The following NTRK3 variants were observed in gnomAD, a reference collection of about 807,000 sequenced individuals.
NTRK3 encodes neurotrophic receptor tyrosine kinase 3.
Under a neutral mutation model 91.7 loss-of-function variants are expected in NTRK3, and 24 were observed. That is an observed-to-expected ratio of 0.26 (90% CI 0.19 to 0.37). The LOEUF (loss-of-function observed/expected upper bound fraction) is 0.37, where lower values mean the gene tolerates loss of function less well. Ranked by LOEUF, NTRK3 falls within the 10% of genes least tolerant of loss-of-function variation. NTRK3 has a pLI of 1.00. For missense variants in NTRK3, 880 were observed against 1,068.9 expected (o/e 0.82, Z 2.46); for synonymous variants, 483 against 404.0 (o/e 1.20, Z -2.34).
At position 88,237,745 on chromosome 15, in the gene NTRK3, G is replaced by A. The variant is rs541783221; in HGVS notation, c.248+18161C>T. On this transcript the variant is annotated intron_variant, in intron 3 of 18. Coordinates refer to ENST00000394480, the Ensembl canonical transcript of NTRK3. This position sits in a 1 kb window ranked among gnomAD's most constrained non-coding sequence, Gnocchi z 4.0. ...GACTAAGCAGACACTTTGGGCATTC[G>A]CAACAAGACACACCAAAATAAAATG... 7.3e-5 allele frequency among the ~76,000 whole-genome samples: 11 copies of A among 151,656 alleles called. No homozygotes were observed. The highest frequency in any genetic ancestry group is 4.2e-4 in the South Asian group (2 of 4,798).
At chr15:88,023,924 C>T (rs1402977537) in intron 14 of NTRK3, among the ~76,000 whole-genome samples, 1 of 152,158 alleles carries the variant, frequency 6.6e-6, no homozygotes, top group African/African-American at 2.4e-5. Context: ...CAAAGGAGCC[C>T]ATTTTCCGTA....
In NTRK3 at chr15:88,233,181, A is replaced by G. The variant is rs1323948867; in HGVS notation, c.248+22725T>C. Reference sequence around the variant, plus strand: ...ATTTTCCTCTGGAGCTAAAGCCTGAATAAGCAAAAAGAAAAAATTAAAACC... The same window carrying G: ...ATTTTCCTCTGGAGCTAAAGCCTGAGTAAGCAAAAAGAAAAAATTAAAACC... On this transcript the variant is annotated intron_variant, in intron 3 of 18. Coordinates refer to ENST00000394480, the Ensembl canonical transcript of NTRK3. This position sits in a 1 kb window ranked among gnomAD's most constrained non-coding sequence, Gnocchi z 4.2. Among the ~76,000 whole-genome samples the G allele has an allele frequency of 6.6e-6, 1 of 152,192 alleles. No individual in the cohort carries two copies. Among genetic ancestry groups the G allele is most frequent in the Admixed American group, 6.5e-5 (1 of 15,284 alleles).
chr15:88,148,337 G>C (rs1427054426), intron 5 of NTRK3, among the ~76,000 whole-genome samples: 1 of 152,188 alleles, frequency 6.6e-6, no homozygotes, highest in Non-Finnish European at 1.5e-5. Context: ...TGACCATTGA[G>C]GGGGAAGGGA....
intron 17 of NTRK3, among the ~76,000 whole-genome samples, chr15:87,910,686 A>G (rs2067039730): frequency 6.6e-6 from 1 of 152,190 alleles, no homozygotes; most frequent in African/African-American, 2.4e-5. Flanking sequence ...CCCAAACTTA[A>G]AATGAGAGGA....
At chr15:88,176,744 C>T (rs975484833) in intron 5 of NTRK3, among the ~76,000 whole-genome samples, 4 of 152,184 alleles carry the variant, frequency 2.6e-5, no homozygotes, top group Non-Finnish European at 5.9e-5. Context: ...GTTCTGAGTG[C>T]TGGAGATATA....
At chr15:88,126,482 A>G in intron 12 of NTRK3, 109 bp from the exon 13 acceptor site, 1 of 700,590 alleles carries the variant, frequency 1.4e-6, no homozygotes, top group Non-Finnish European at 2.5e-6. Flanking sequence ...TAGTAATTGT[A>G]GCCTTCTCAG....
chr15:88,178,875 G>A (rs2162266), intron 5 of NTRK3, among the ~76,000 whole-genome samples: 39,390 of 152,050 alleles, frequency 0.26, 5,816 homozygotes, highest in African/African-American at 0.41. Flanking sequence ...GCTCTTTCAC[G>A]GAACTTTAAA....
At chr15:87,881,340 A>G (rs1381142436) in intron 17 of NTRK3, among the ~76,000 whole-genome samples, 11 of 152,224 alleles carry the variant, frequency 7.2e-5, no homozygotes, top group African/African-American at 1.2e-4. Context: ...ACTACTTAAT[A>G]TTGAAAAAAG....
chr15:88,004,737 G>C (rs1264580316), intron 14 of NTRK3, among the ~76,000 whole-genome samples: 7 of 152,190 alleles, frequency 4.6e-5, no homozygotes, highest in Non-Finnish European at 8.8e-5. Flanking sequence ...GGGAGAGTGT[G>C]AGAGGCCAAA....
intron 17 of NTRK3, among the ~76,000 whole-genome samples, chr15:87,920,964 T>C (rs1446962324): frequency 8.5e-5 from 13 of 152,170 alleles, no homozygotes; most frequent in Non-Finnish European, 2.9e-5. Context: ...AGTCTGTAGT[T>C]TAGTTAATAA....
chr15:87,999,558 G>A (rs1047744374), intron 14 of NTRK3, among the ~76,000 whole-genome samples: 2 of 152,252 alleles, frequency 1.3e-5, no homozygotes, highest in East Asian at 1.9e-4. Flanking sequence ...CTTCCTTCAT[G>A]CAAATTTTAT....
intron 11 of NTRK3, among the ~76,000 whole-genome samples, 162 bp from the exon 12 acceptor site, chr15:88,127,388 C>G (rs1000097896): frequency 1.5e-4 from 23 of 152,004 alleles, no homozygotes; most frequent in Admixed American, 1.1e-3. Context: ...CTTTGCAGGA[C>G]CCCCCACCCC....
intron 3 of NTRK3, among the ~76,000 whole-genome samples, chr15:88,197,094 CAAAAAAAAAAAAAAAAAAAAAA>C (rs59553739): frequency 1.8e-3 from 101 of 56,594 alleles, no homozygotes; most frequent in African/African-American, 4.5e-3. Flanking sequence ...TTGAGCAGGA[CAAAAAAAAAAAAAAAAAAAAAA>C]AAAAAAAAAA....
chr15:88,014,012 C>T (rs1011790160), intron 14 of NTRK3, among the ~76,000 whole-genome samples: 6 of 152,188 alleles, frequency 3.9e-5, no homozygotes, highest in African/African-American at 1.4e-4. Flanking sequence ...AGCAAAGTGG[C>T]AGTGCCCCTT....
At chr15:88,114,533 A>G (rs564879170) in intron 13 of NTRK3, among the ~76,000 whole-genome samples, 11 of 152,356 alleles carry the variant, frequency 7.2e-5, no homozygotes, top group African/African-American at 2.4e-4. Flanking sequence ...CATTCTTGGT[A>G]TGCAACTATA....
intron 13 of NTRK3, 23 bp downstream of exon 13, chr15:88,126,248 T>G (rs762771777): frequency 6.5e-7 from 1 of 1,542,144 alleles, no homozygotes; most frequent in Admixed American, 1.7e-5. Context: ...ATGACGCCCT[T>G]GAAAATGAAA....
At position 88,122,646 on chromosome 15, in the gene NTRK3, AT is replaced by A. The variant is rs551542557; in HGVS notation, c.1396+3624del. Among the ~76,000 whole-genome samples, 37 of 152,034 alleles carry A rather than the reference AT, an allele frequency of 2.4e-4. No individual in the cohort carries two copies. In the East Asian group the frequency reaches 4.8e-3, roughly 20 times the overall value. On this transcript the variant is annotated intron_variant, in intron 13 of 18. Coordinates refer to ENST00000394480, the Ensembl canonical transcript of NTRK3. The stretch of plus-strand genomic sequence containing the variant: ...TATATTAATCTTTGTCTTTTTCTGT[AT>A]TTTTTTTATTTCTCAGAAGGAAGTA...
rs2064757710 is a variant in NTRK3, at chr15:87,868,987, G to C, written c.*7948C>G. 6 of 228,442 alleles carry C rather than the reference G, an allele frequency of 2.6e-5. No homozygotes were observed. The South Asian group carries it at 1.1e-3, about 42-fold the overall frequency. The allele number at this position is 228,442 out of a possible 1,614,324, so 14.2% of individuals were successfully genotyped here. Reference sequence around the variant, plus strand: ...TCCCTAGAGGATTGCAGAGCCCAGAGCAGGGCTCAATGACTTAGGACACAC... The same window carrying C: ...TCCCTAGAGGATTGCAGAGCCCAGACCAGGGCTCAATGACTTAGGACACAC... On this transcript the variant is annotated 3_prime_UTR_variant, in exon 19 of 19. Coordinates refer to ENST00000394480, the Ensembl canonical transcript of NTRK3.
intron 17 of NTRK3, among the ~76,000 whole-genome samples, chr15:87,897,907 C>T (rs1271110947): frequency 6.6e-6 from 1 of 152,160 alleles, no homozygotes; most frequent in Non-Finnish European, 1.5e-5. Flanking sequence ...TCAGCCAATG[C>T]TCTTTGCTAG....
Sources: allele counts gnomAD v4.1 joint callset (sites outside exome capture counted in the v4.1 genomes callset), GRCh38; gene constraint gnomAD v4.1.1; non-coding constraint Gnocchi (gnomAD v3.1); transcripts MANE v1.5; gene names NCBI Gene and HGNC (gene_info 2026-07-23, HGNC 2026-07-21).